The following SNTG1 variants were observed in gnomAD, a reference collection of about 807,000 sequenced individuals.
The protein encoded by SNTG1 is gamma-1-syntrophin.
SNTG1 carries 39 observed loss-of-function variants against 74.7 expected under a neutral mutation model. The ratio of observed to expected loss-of-function variants is 0.52; its 90% confidence interval spans 0.40 to 0.68. SNTG1 has a LOEUF of 0.68. Among genes scored for constraint, SNTG1 ranks in the 30% least tolerant of loss-of-function variants. The pLI, the probability that SNTG1 is intolerant of heterozygous loss-of-function variation, is 0.00. For synonymous variants in SNTG1, 254 were observed against 217.1 expected (o/e 1.17, Z -1.49); for missense variants, 685 against 609.5 (o/e 1.12, Z -1.30).
At chr8:50,708,137 G>T (rs1222049181) in intron 16 of SNTG1, 1 of 199,798 alleles carries the variant, frequency 5.0e-6, no homozygotes, top group Non-Finnish European at 9.9e-6. Context: ...ACAGACAGAG[G>T]TTGCAGTGAG....
At chr8:50,177,272 G>A (rs994943090) in intron 2 of SNTG1, among the ~76,000 whole-genome samples, 1 of 152,156 alleles carries the variant, frequency 6.6e-6, no homozygotes, top group East Asian at 1.9e-4. Context: ...GGGCCCTCTT[G>A]TTCATATGAC....
intron 1 of SNTG1, among the ~76,000 whole-genome samples, chr8:50,053,404 T>G (rs967917206): frequency 6.6e-6 from 1 of 151,964 alleles, no homozygotes; most frequent in Non-Finnish European, 1.5e-5. Flanking sequence ...GAAATATAAA[T>G]AGACTGGTGG....
At chr8:50,162,495 G>C (rs1474397815) in intron 1 of SNTG1, among the ~76,000 whole-genome samples, 6 of 150,190 alleles carry the variant, frequency 4.0e-5, no homozygotes, top group Admixed American at 2.7e-4. Flanking sequence ...CCGGGAGGTG[G>C]AGCTTGCAGT....
At chr8:50,236,876 C>A (rs1479731360) in intron 2 of SNTG1, among the ~76,000 whole-genome samples, 2 of 152,112 alleles carry the variant, frequency 1.3e-5, no homozygotes, top group African/African-American at 4.8e-5. Context: ...CCTGTACTTT[C>A]TCTGGGTTAT....
intron 1 of SNTG1, among the ~76,000 whole-genome samples, chr8:50,095,102 G>T (rs933591939): frequency 1.3e-5 from 2 of 152,094 alleles, no homozygotes; most frequent in Non-Finnish European, 2.9e-5. Flanking sequence ...ACAGTTAAAC[G>T]TTGAATACAC....
intron 1 of SNTG1, among the ~76,000 whole-genome samples, chr8:49,942,052 A>G (rs1381606246): frequency 1.3e-5 from 2 of 152,198 alleles, no homozygotes; most frequent in Non-Finnish European, 2.9e-5. Flanking sequence ...TCAAAAAGAC[A>G]AAAGGGAGGA....
intron 16 of SNTG1, chr8:50,708,157 C>G: frequency 5.3e-6 from 1 of 188,756 alleles, no homozygotes; most frequent in Non-Finnish European, 1.1e-5. Context: ...GCCGACACCG[C>G]ACCACTACGC....
intron 12 of SNTG1, among the ~76,000 whole-genome samples, chr8:50,569,834 C>G (rs1448008509): frequency 2.6e-5 from 4 of 152,006 alleles, no homozygotes; most frequent in African/African-American, 7.2e-5. Context: ...TCTTTATCCA[C>G]CAAAATGTGA....
intron 1 of SNTG1, among the ~76,000 whole-genome samples, chr8:50,068,629 C>T (rs1008076572): frequency 1.3e-5 from 2 of 152,272 alleles, no homozygotes; most frequent in East Asian, 1.9e-4. Context: ...TGATTTATCT[C>T]GCTTATTTTC....
At chr8:50,054,856 T>C (rs1422249004) in intron 1 of SNTG1, among the ~76,000 whole-genome samples, 1 of 152,072 alleles carries the variant, frequency 6.6e-6, no homozygotes, top group African/African-American at 2.4e-5. Context: ...TTGTTATTTA[T>C]TGTAGAAATG....
rs191179486 is a variant in SNTG1 at position 50,489,836 on chromosome 8, T to A, written c.364-12942T>A. ...TGCTTTTGGTGTTTTAGTCATGAAG[T>A]CTTTGCCCATGCCTATGTCCTGACT... On this transcript the variant is annotated intron_variant, in intron 8 of 18. Transcript: ENST00000642720. 1.7e-3 allele frequency among the ~76,000 whole-genome samples: 254 copies of A among 152,322 alleles called. 1 individual carries two copies. The highest frequency in any genetic ancestry group is 5.9e-3 in the African/African-American group (244 of 41,568).
At chr8:50,749,593 T>C (rs1000736430) in intron 17 of SNTG1, among the ~76,000 whole-genome samples, 3 of 152,032 alleles carry the variant, frequency 2.0e-5, no homozygotes, top group African/African-American at 7.2e-5. Flanking sequence ...CTGCCTCTCT[T>C]GTTGGGACCA....
rs190088191 is a variant in SNTG1, at chr8:50,593,167, T to G, written c.849+2250T>G. Among the ~76,000 whole-genome samples, 1,339 of 152,238 alleles carry G rather than the reference T, an allele frequency of 8.8e-3. 11 individuals are homozygous for G. The highest frequency in any genetic ancestry group is 0.014 in the Non-Finnish European group (923 of 68,022). The stretch of plus-strand genomic sequence containing the variant: ...TTCTCTGCTCCCTGAGATTTGATTT[T>G]CAATTTGTGCTACCCAGATGGTACC... On this transcript the variant is annotated intron_variant, in intron 13 of 18. Transcript: ENST00000642720.
At chr8:50,495,920 A>G (rs2093899856) in intron 8 of SNTG1, among the ~76,000 whole-genome samples, 1 of 152,202 alleles carries the variant, frequency 6.6e-6, no homozygotes, top group Non-Finnish European at 1.5e-5. Flanking sequence ...CGTTTCAACC[A>G]AAGCTGTCAC....
At chr8:50,376,824 G>A (rs1248197179) in intron 2 of SNTG1, among the ~76,000 whole-genome samples, 1 of 148,062 alleles carries the variant, frequency 6.8e-6, no homozygotes, top group Non-Finnish European at 1.5e-5. Flanking sequence ...ATATTACCTT[G>A]CCCTGAAGCT....
chr8:50,135,115 G>C (rs548712331), intron 1 of SNTG1, among the ~76,000 whole-genome samples: 8 of 152,178 alleles, frequency 5.3e-5, no homozygotes, highest in Non-Finnish European at 1.2e-4. Flanking sequence ...TGCAGTCTGA[G>C]GAGAGCCAAG....
intron 14 of SNTG1, 114 bp from the exon 15 acceptor site, chr8:50,658,478 G>C: frequency 1.6e-6 from 1 of 625,522 alleles, no homozygotes; most frequent in Non-Finnish European, 2.7e-6. Flanking sequence ...ACAGATGAGA[G>C]ACTAGATACA....
chr8:50,663,469 G>A (rs1418317699), intron 15 of SNTG1, among the ~76,000 whole-genome samples: 1 of 152,104 alleles, frequency 6.6e-6, no homozygotes, highest in African/African-American at 2.4e-5. Flanking sequence ...GGGCTAGGAG[G>A]AGAGAGGCAG....
At chr8:50,449,500 A>T (rs1219601488) in intron 5 of SNTG1, among the ~76,000 whole-genome samples, 168 bp from the exon 6 acceptor site, 1 of 152,258 alleles carries the variant, frequency 6.6e-6, no homozygotes, top group South Asian at 2.1e-4. Context: ...CTAAACAGGT[A>T]GATAATTTTC....
Sources: allele counts gnomAD v4.1 joint callset (sites outside exome capture counted in the v4.1 genomes callset), GRCh38; gene constraint gnomAD v4.1.1; transcripts MANE v1.5; gene names NCBI Gene and HGNC (gene_info 2026-07-23, HGNC 2026-07-21).